Variants in NSMCE4A observed in about 807,000 individuals in gnomAD.
NSMCE4A encodes non-structural maintenance of chromosomes element 4 homolog A.
Under a neutral mutation model 47.9 loss-of-function variants are expected in NSMCE4A, and 40 were observed. The observed-to-expected ratio is 0.83, with a 90% CI of 0.65 to 1.09. The LOEUF (loss-of-function observed/expected upper bound fraction) is 1.09. Ranked by LOEUF, NSMCE4A falls within the 50% of genes least tolerant of loss-of-function variation. The pLI is 0.00. For synonymous variants in NSMCE4A, 166 were observed against 178.5 expected (o/e 0.93, Z 0.56); for missense variants, 500 against 507.0 (o/e 0.99, Z 0.13).
At position 121,974,893 on chromosome 10, in the gene NSMCE4A, C is replaced by A; in HGVS notation, c.273G>T (p.Ala91=). The A allele has an allele frequency of 6.6e-7, 1 of 1,511,172 alleles. No homozygotes were observed. Among genetic ancestry groups the A allele is most frequent in the Non-Finnish European group, 8.8e-7 (1 of 1,132,264 alleles). 93.6% of individuals were successfully genotyped at this position (1,511,172 alleles called of 1,614,324 possible). A position where few individuals can be genotyped will look rare whatever the true frequency, so the allele number is the denominator to read the frequency against. The change falls in exon 1 of 11, where the codon GCG becomes GCT. Residue 91 remains alanine (A), a synonymous_variant. Transcript: ENST00000369023. The stretch of plus-strand genomic sequence containing the variant: ...CCTTACGTTGGACGGAGTTGATGAG[C>A]GCCCGGTACTGATGGCGGATCTGGC... ...LCRQIRHQYR[A]LINSVQQNRE...
rs1235344421 is a variant in NSMCE4A, at chr10:121,959,105, G to A, written c.*12+219C>T. The stretch of plus-strand genomic sequence containing the variant: ...TGGGATTACAGGCGTGAGCCACCAC[G>A]CCTGGCCTCAGCTGCAAATCTTAAC... On this transcript the variant is annotated intron_variant, in intron 10 of 10. Transcript: ENST00000369023. 2.6e-5 allele frequency among the ~76,000 whole-genome samples: 4 copies of A among 152,186 alleles called. No individual in the cohort carries two copies. The East Asian group carries it at 5.8e-4, about 22-fold the overall frequency.
chr10:121,974,297 C>T (rs1952774189), intron 1 of NSMCE4A: 2 of 1,369,566 alleles, frequency 1.5e-6, no homozygotes, highest in Non-Finnish European at 1.9e-6. Context: ...AACCCTAGCT[C>T]CCTCTAACCT....
In NSMCE4A at chr10:121,974,908, G is replaced by A. The variant is rs1305305340; in HGVS notation, c.258C>T (p.Arg86=). ...AGTTGATGAGCGCCCGGTACTGATG[G>A]CGGATCTGGCGGCACAGGCCTTGGT... ...EADQGLCRQI[R]HQYRALINSV... Residue 86 remains arginine, a synonymous_variant, in exon 1 of 11, where the codon CGC becomes CGT. Coordinates refer to ENST00000369023, the MANE Select transcript of NSMCE4A (RefSeq NM_017615.3). 1.3e-6 allele frequency: 2 copies of A among 1,526,562 alleles called. No individual in the cohort carries two copies. The highest frequency in any genetic ancestry group is 2.0e-5 in the Admixed American group (1 of 49,194). 94.6% of individuals were successfully genotyped at this position (1,526,562 alleles called of 1,614,324 possible). A position where few individuals can be genotyped will look rare whatever the true frequency, so the allele number is the denominator to read the frequency against.
chr10:121,967,794 C>G lies in NSMCE4A; in HGVS notation c.514G>C (p.Gly172Arg). 10 of 1,601,842 alleles carry G rather than the reference C, an allele frequency of 6.2e-6. No individual in the cohort carries two copies. Among genetic ancestry groups the G allele is most frequent in the Non-Finnish European group, 8.5e-6 (10 of 1,177,198 alleles). The change falls in exon 4 of 11, where the codon GGT becomes CGT. Residue 172 changes from glycine to arginine, a missense_variant. Gly to Arg is a moderately radical substitution (Grantham distance 125, BLOSUM62 -2). Transcript: ENST00000369023. ...TCTTCAGCTTCTAGCGGATTTACAC[C>G]CATATGTGTGAGCTACAAAAATGAA... Reference protein sequence around the residue: ...RYVETLLTHMGVNPLEAEELI... With the variant: ...RYVETLLTHMRVNPLEAEELI...
At chr10:121,966,984 T>C (rs915708415) in intron 4 of NSMCE4A, 1 of 152,242 alleles carries the variant, frequency 6.6e-6, no homozygotes, top group Non-Finnish European at 1.5e-5. Context: ...CAGGGTATTA[T>C]AATAAATGTC....
At position 121,960,767 on chromosome 10, in the gene NSMCE4A, A is replaced by G. The variant is rs1258613221; in HGVS notation, c.940-361T>C. 6.6e-6 allele frequency among the ~76,000 whole-genome samples: 1 copy of G among 152,242 alleles called. No homozygotes were observed. Among genetic ancestry groups the G allele is most frequent in the Non-Finnish European group, 1.5e-5 (1 of 68,032 alleles). On this transcript the variant is annotated intron_variant, in intron 7 of 10. Coordinates refer to ENST00000369023, the MANE Select transcript of NSMCE4A (RefSeq NM_017615.3). This position sits in a 1 kb window ranked among gnomAD's most constrained non-coding sequence, Gnocchi z 4.2. ...ATGCCTTTGTTATTATTTCTGAGAAAATACGTTGGTAGACATAGGTTTTCT... is the reference window on the plus strand; with the variant it reads ...ATGCCTTTGTTATTATTTCTGAGAAGATACGTTGGTAGACATAGGTTTTCT...
At chr10:121,974,552 G>A (rs1254268621) in intron 1 of NSMCE4A, 2 of 1,016,940 alleles carry the variant, frequency 2.0e-6, no homozygotes, top group Admixed American at 5.7e-5. Flanking sequence ...ACTGCCGGGC[G>A]CAATCAAAGC....
intron 2 of NSMCE4A, among the ~76,000 whole-genome samples, chr10:121,972,805 C>G (rs925956301): frequency 6.6e-6 from 1 of 151,990 alleles, no homozygotes; most frequent in African/African-American, 2.4e-5. Context: ...TTAGCAAATG[C>G]GGTAGACTAA....
chr10:121,966,868 T>C (rs1952616161), intron 4 of NSMCE4A: 1 of 152,214 alleles, frequency 6.6e-6, no homozygotes, highest in African/African-American at 2.4e-5. Flanking sequence ...TTCATTCAAA[T>C]ATAAAGAAAT....
chr10:121,957,969 T>C (rs868310921), intron 10 of NSMCE4A, among the ~76,000 whole-genome samples: 6 of 151,790 alleles, frequency 4.0e-5, no homozygotes, highest in Admixed American at 6.6e-5. Context: ...GTGGCTCATG[T>C]CTGTAATCCC....
At chr10:121,972,661 G>C (rs1460479976) in intron 2 of NSMCE4A, among the ~76,000 whole-genome samples, 1 of 152,164 alleles carries the variant, frequency 6.6e-6, no homozygotes, top group Non-Finnish European at 1.5e-5. Flanking sequence ...GAGTAATTGA[G>C]TCAAGTCAAG....
rs561848898 is a variant in NSMCE4A, at chr10:121,961,533, GA to G, written c.845-17del. 9.9e-5 allele frequency: 147 copies of G among 1,483,252 alleles called. No individual in the cohort carries two copies. Among genetic ancestry groups the G allele is most frequent in the South Asian group, 3.3e-4 (25 of 76,464 alleles). The allele number at this position is 1,483,252 out of a possible 1,614,324, so 91.9% of individuals were successfully genotyped here. ...GGGGTATCAGCTATAGACAAAAAGA[GA>G]AAAAAAAATTGATTTTTGCTTGTCA... is the stretch of plus-strand genomic sequence containing the variant. On this transcript the variant is annotated splice_polypyrimidine_tract_variant and intron_variant, in intron 6 of 10. Coordinates refer to ENST00000369023, the MANE Select transcript of NSMCE4A (RefSeq NM_017615.3).
chr10:121,973,520 C>T (rs1190420885), intron 2 of NSMCE4A, among the ~76,000 whole-genome samples: 1 of 152,214 alleles, frequency 6.6e-6, no homozygotes, highest in Non-Finnish European at 1.5e-5. Flanking sequence ...ACACACAACA[C>T]ACCCCAGACT....
chr10:121,967,673 G>A lies in NSMCE4A; in HGVS notation c.635C>T (p.Thr212Ile), dbSNP rs768832537. 1.2e-6 allele frequency: 2 copies of A among 1,610,528 alleles called. No individual in the cohort carries two copies. Among genetic ancestry groups the A allele is most frequent in the Non-Finnish European group, 8.5e-7 (1 of 1,179,304 alleles). The change falls in exon 4 of 11, where the codon ACC (threonine) becomes ATC (isoleucine). Residue 212 changes from threonine (T) to isoleucine (I), a missense_variant. By Grantham distance (89) the Thr-to-Ile change is moderately conservative. Coordinates refer to ENST00000369023, the MANE Select transcript of NSMCE4A (RefSeq NM_017615.3). ...ATCTTACAGAAAGTGGAATGTATGG[G>A]TTTTATTAAAGGTGTTTTCTGCTGT... ...GRTAENTFNKTHTFHFLLGSI... is the reference protein window; with the variant it reads ...GRTAENTFNKIHTFHFLLGSI...
intron 10 of NSMCE4A, 56 bp downstream of exon 10, chr10:121,959,268 T>C: frequency 1.4e-6 from 2 of 1,462,202 alleles, no homozygotes; most frequent in Non-Finnish European, 1.9e-6. Flanking sequence ...AGGGATACTT[T>C]GGATTGCCAA....
intron 4 of NSMCE4A, chr10:121,967,406 C>G (rs1952626994): frequency 2.3e-6 from 1 of 433,032 alleles, no homozygotes; most frequent in Non-Finnish European, 4.1e-6. Context: ...CCATGTTGCC[C>G]AGGCTGATCT....
chr10:121,969,263 A>C (rs530053313), intron 3 of NSMCE4A, among the ~76,000 whole-genome samples: 1 of 152,258 alleles, frequency 6.6e-6, no homozygotes, highest in Non-Finnish European at 1.5e-5. Context: ...TGAACCCAGG[A>C]GGTGGAGGTT....
chr10:121,967,729 T>A lies in NSMCE4A; in HGVS notation c.579A>T (p.Ile193=). Residue 193 remains isoleucine, a synonymous_variant, in exon 4 of 11, where the codon ATA becomes ATT. Transcript: ENST00000369023. ...CTGTTATCTTCCAGGAGTCATAGAC[T>A]ATGAATTCAAAATCAGGACTATCTT... ...RDEDSPDFEF[I]VYDSWKITGR... is the part of the protein sequence containing the mutation. 1 of 1,614,200 alleles carries A rather than the reference T, an allele frequency of 6.2e-7. No individual in the cohort carries two copies. Among genetic ancestry groups the A allele is most frequent in the Non-Finnish European group, 8.5e-7 (1 of 1,180,022 alleles).
intron 9 of NSMCE4A, 45 bp from the exon 10 acceptor site, chr10:121,959,455 T>G (rs1952458212): frequency 6.2e-7 from 1 of 1,610,990 alleles, no homozygotes; most frequent in Admixed American, 1.7e-5. Flanking sequence ...TTACTGCAAG[T>G]GAAGGCAGAG....
Sources: gnomAD v4.1 joint callset for allele counts (sites outside exome capture counted in the v4.1 genomes callset) on GRCh38, gnomAD v4.1.1 for gene constraint, Gnocchi (gnomAD v3.1) non-coding constraint, MANE v1.5 for transcripts, NCBI Gene and HGNC (gene_info 2026-07-23, HGNC 2026-07-21) for gene names.